The following TMTC1 variants were observed in gnomAD, a reference collection of about 807,000 sequenced individuals.
The protein encoded by TMTC1 is transmembrane O-mannosyltransferase targeting cadherins 1, also known as protein O-mannosyl-transferase TMTC1.
Under a neutral mutation model 104.8 loss-of-function variants are expected in TMTC1, and 73 were observed. The observed-to-expected ratio is 0.70, with a 90% CI of 0.58 to 0.85. TMTC1 has a LOEUF of 0.85. Ranked by LOEUF, TMTC1 falls within the 40% of genes least tolerant of loss-of-function variation. TMTC1 has a pLI of 0.00. For synonymous variants in TMTC1, 434 were observed against 428.7 expected, an observed-to-expected ratio of 1.01 and a Z score of -0.15; for missense variants, 1,035 against 1,096.1, an observed-to-expected ratio of 0.94 and a Z score of 0.79.
intron 17 of TMTC1, among the ~76,000 whole-genome samples, chr12:29,511,807 C>A (rs564623575): frequency 6.6e-6 from 1 of 152,132 alleles, no homozygotes; most frequent in African/African-American, 2.4e-5. Context: ...TTAGAAAAAT[C>A]ATAAAATCTA....
chr12:29,607,904 T>C (rs959960103), intron 6 of TMTC1, among the ~76,000 whole-genome samples: 10 of 152,184 alleles, frequency 6.6e-5, no homozygotes, highest in Admixed American at 2.6e-4. Flanking sequence ...CCCGCCACCC[T>C]ACATTGCTAA....
At chr12:29,630,387 CTCGTGAG>C (rs1938235397) in intron 6 of TMTC1, among the ~76,000 whole-genome samples, 1 of 152,148 alleles carries the variant, frequency 6.6e-6, no homozygotes, top group Admixed American at 6.5e-5. Context: ...ACCATCAGAT[CTCGTGAG>C]AACTCTCTCA....
At chr12:29,763,168 G>A (rs1943390823) in intron 2 of TMTC1, among the ~76,000 whole-genome samples, 2 of 152,358 alleles carry the variant, frequency 1.3e-5, no homozygotes, top group East Asian at 3.9e-4. Flanking sequence ...CAGTTTGGAA[G>A]AGACAACAGC....
chr12:29,633,076 TA>T, intron 6 of TMTC1, 70 bp downstream of exon 6: 1 of 1,428,700 alleles, frequency 7.0e-7, no homozygotes, highest in Non-Finnish European at 9.5e-7. Context: ...CCATCCGCAC[TA>T]AAAAGAACAT....
chr12:29,584,621 G>A (rs1477936060), intron 7 of TMTC1, among the ~76,000 whole-genome samples: 2 of 151,812 alleles, frequency 1.3e-5, no homozygotes, highest in Non-Finnish European at 2.9e-5. Context: ...GTCCCGGTGT[G>A]TGATGTTCCC....
chr12:29,783,512 G>A lies in TMTC1; in HGVS notation c.240C>T (p.Gly80=). 1.4e-6 allele frequency: 2 copies of A among 1,437,000 alleles called. No homozygotes were observed. The highest frequency in any genetic ancestry group is 1.8e-6 in the Non-Finnish European group (2 of 1,092,286). 89.0% of individuals were successfully genotyped at this position (1,437,000 alleles called of 1,614,324 possible). A position where few individuals can be genotyped will look rare whatever the true frequency, so the allele number is the denominator to read the frequency against. ...RWGIFTNDFW[G]KGMAENTSHK... ...GGCTGGTGTTCTCGGCCATGCCCTTGCCCCAGAAGTCGTTGGTGAAGATGC... is the reference window on the plus strand; with the variant it reads ...GGCTGGTGTTCTCGGCCATGCCCTTACCCCAGAAGTCGTTGGTGAAGATGC... The change falls in exon 1 of 18, where the codon GGC becomes GGT. Residue 80 remains glycine, a synonymous_variant. Transcript: ENST00000539277. This position sits in a 1 kb window ranked among gnomAD's most constrained non-coding sequence, Gnocchi z 4.7.
At chr12:29,545,543 G>A (rs1054864359) in intron 10 of TMTC1, among the ~76,000 whole-genome samples, 3 of 151,848 alleles carry the variant, frequency 2.0e-5, no homozygotes, top group Non-Finnish European at 4.4e-5. Context: ...AGGAGGCTGA[G>A]GCAGGAGAAT....
chr12:29,627,809 A>G (rs1460070476), intron 6 of TMTC1, among the ~76,000 whole-genome samples: 1 of 152,202 alleles, frequency 6.6e-6, no homozygotes, highest in Non-Finnish European at 1.5e-5. Context: ...ATTTACTTAA[A>G]TTACTTGAAT....
chr12:29,586,971 C>T (rs1250474731), intron 7 of TMTC1, among the ~76,000 whole-genome samples: 4 of 152,056 alleles, frequency 2.6e-5, no homozygotes, highest in African/African-American at 9.7e-5. Context: ...GGGAGGATTC[C>T]CTCTTTTTCT....
chr12:29,570,196 C>T (rs1008950154), intron 9 of TMTC1, among the ~76,000 whole-genome samples: 1 of 152,088 alleles, frequency 6.6e-6, no homozygotes, highest in African/African-American at 2.4e-5. Context: ...ATTATTAAAG[C>T]CCAAGTATAC....
rs529055498 is a variant in TMTC1, at chr12:29,660,390, G to A, written c.939-27054C>T. Among the ~76,000 whole-genome samples the A allele has an allele frequency of 3.9e-5, 6 of 152,240 alleles. No homozygotes were observed. In the East Asian group the frequency reaches 9.6e-4, roughly 24 times the overall value. The stretch of plus-strand genomic sequence containing the variant: ...CCAAATCATGATGATCAGAAGAACC[G>A]AAAAGCTGAATGCTGCCCAAACTAA... On this transcript the variant is annotated intron_variant, in intron 5 of 17. Coordinates refer to ENST00000539277, the MANE Select transcript of TMTC1 (RefSeq NM_001193451.2).
chr12:29,756,911 A>G (rs1943229236), intron 3 of TMTC1, among the ~76,000 whole-genome samples: 1 of 152,248 alleles, frequency 6.6e-6, no homozygotes, highest in Non-Finnish European at 1.5e-5. Flanking sequence ...AATCTGTAAT[A>G]ACATGGCTCA....
chr12:29,685,874 CT>C (rs1370305337), intron 5 of TMTC1, among the ~76,000 whole-genome samples: 1 of 149,356 alleles, frequency 6.7e-6, no homozygotes, highest in Non-Finnish European at 1.5e-5. Context: ...ACAAACTACT[CT>C]TTAGCTCATG....
At position 29,708,374 on chromosome 12, in the gene TMTC1, C is replaced by T. The variant is rs1417658095; in HGVS notation, c.938+43292G>A. Among the ~76,000 whole-genome samples, 8 of 152,138 alleles carry T rather than the reference C, an allele frequency of 5.3e-5. No individual in the cohort carries two copies. In the South Asian group the frequency reaches 1.2e-3, roughly 24 times the overall value. ...TTATTAAATAAATGCACATGAACAG[C>T]GCAGAGCAAATGTCTCTTATAATAG... On this transcript the variant is annotated intron_variant, in intron 5 of 17. Coordinates refer to ENST00000539277, the MANE Select transcript of TMTC1 (RefSeq NM_001193451.2).
chr12:29,587,356 C>T (rs1216432413), intron 7 of TMTC1, among the ~76,000 whole-genome samples: 2 of 151,176 alleles, frequency 1.3e-5, no homozygotes, highest in Non-Finnish European at 2.9e-5. Flanking sequence ...TTTTTTTAGA[C>T]AGGGACTCAC....
At chr12:29,547,701 G>A (rs1414890388) in intron 10 of TMTC1, among the ~76,000 whole-genome samples, 1 of 152,152 alleles carries the variant, frequency 6.6e-6, no homozygotes, top group Non-Finnish European at 1.5e-5. Context: ...CACAATATGG[G>A]AGAGGAGTGA....
chr12:29,713,991 A>G (rs1942008656), intron 5 of TMTC1, among the ~76,000 whole-genome samples: 1 of 152,098 alleles, frequency 6.6e-6, no homozygotes, highest in African/African-American at 2.4e-5. Context: ...TCATGTAAGG[A>G]CACAACATTC....
intron 11 of TMTC1, among the ~76,000 whole-genome samples, chr12:29,524,109 CAA>C (rs1944266926): frequency 6.6e-6 from 1 of 152,058 alleles, no homozygotes; most frequent in Non-Finnish European, 1.5e-5. Context: ...TTTGTCATCT[CAA>C]TTAAAGAGAG....
At position 29,633,227 on chromosome 12, in the gene TMTC1, A is replaced by C. The variant is rs1218979194; in HGVS notation, c.1048T>G (p.Trp350Gly). The change falls in exon 6 of 18, where the codon TGG (tryptophan) becomes GGG (glycine). Residue 350 changes from tryptophan (W) to glycine (G), a missense_variant. By Grantham distance (184) the Trp-to-Gly change is radical (BLOSUM62 -2). Transcript: ENST00000539277. ...ATGGTGGCTAAGTTCCGCATGTCCC[A>C]TATGGTCTCTACCAGAGGAATACTG... is the stretch of plus-strand genomic sequence containing the variant. ...VGSIPLVETI[W>G]DMRNLATIFL... 5 of 1,613,972 alleles carry C rather than the reference A, an allele frequency of 3.1e-6. No homozygotes were observed.
Sources: gnomAD v4.1 joint callset for allele counts (sites outside exome capture counted in the v4.1 genomes callset) on GRCh38, gnomAD v4.1.1 for gene constraint, Gnocchi (gnomAD v3.1) non-coding constraint, MANE v1.5 for transcripts, NCBI Gene and HGNC (gene_info 2026-07-23, HGNC 2026-07-21) for gene names.